The following KCNB2 variants were observed in gnomAD, a reference collection of about 807,000 sequenced individuals.
KCNB2 encodes the protein potassium voltage-gated channel subfamily B member 2, also known as delayed rectifier potassium channel protein.
A neutral mutation model predicts 61.5 loss-of-function variants in KCNB2; 15 were observed. The observed-to-expected ratio is 0.24, with a 90% CI of 0.16 to 0.38. KCNB2 has a LOEUF of 0.38. Among genes scored for constraint, KCNB2 ranks in the 10% least tolerant of loss-of-function variants. KCNB2 has a pLI of 1.00. For synonymous variants in KCNB2, 457 were observed against 446.0 expected, an observed-to-expected ratio of 1.02 and a Z score of -0.31; for missense variants, 828 against 1,125.2, an observed-to-expected ratio of 0.74 and a Z score of 3.78.
intron 2 of KCNB2, among the ~76,000 whole-genome samples, chr8:72,900,652 C>T (rs1806072934): frequency 6.6e-6 from 1 of 151,890 alleles, no homozygotes; most frequent in Non-Finnish European, 1.5e-5. Context: ...AATCAATAAG[C>T]AAAAAACAAA....
At chr8:72,860,905 G>A (rs527302789) in intron 2 of KCNB2, among the ~76,000 whole-genome samples, 54 of 152,286 alleles carry the variant, frequency 3.5e-4, no homozygotes, top group Non-Finnish European at 6.6e-4. Flanking sequence ...TTTAATGTGT[G>A]TGTATACTGT....
At chr8:72,776,031 G>T (rs1241986789) in intron 2 of KCNB2, among the ~76,000 whole-genome samples, 3 of 152,124 alleles carry the variant, frequency 2.0e-5, no homozygotes, top group Non-Finnish European at 2.9e-5. Flanking sequence ...ACTGGATTAA[G>T]AAAATGTGGC....
chr8:72,673,686 C>T (rs1359035355), intron 2 of KCNB2, among the ~76,000 whole-genome samples: 1 of 152,164 alleles, frequency 6.6e-6, no homozygotes, highest in Non-Finnish European at 1.5e-5. Flanking sequence ...GGTAAAATAG[C>T]AGCACAAAAG....
chr8:72,615,092 G>T (rs1805597471), intron 2 of KCNB2, among the ~76,000 whole-genome samples: 1 of 152,196 alleles, frequency 6.6e-6, no homozygotes, highest in African/African-American at 2.4e-5. Flanking sequence ...GCAGTGGGTA[G>T]GGAAAAGAAG....
intron 2 of KCNB2, among the ~76,000 whole-genome samples, chr8:72,779,642 T>C (rs889170731): frequency 3.3e-5 from 5 of 152,212 alleles, no homozygotes; most frequent in Admixed American, 2.6e-4. Context: ...GTTTTATGGC[T>C]CTGAAAATCT....
chr8:72,806,316 C>T (rs1444456066), intron 2 of KCNB2, among the ~76,000 whole-genome samples: 1 of 149,716 alleles, frequency 6.7e-6, no homozygotes, highest in East Asian at 2.0e-4. Context: ...TGAGATCATG[C>T]CACTGCACTC....
At chr8:72,775,578 T>A (rs1808635665) in intron 2 of KCNB2, among the ~76,000 whole-genome samples, 1 of 152,268 alleles carries the variant, frequency 6.6e-6, no homozygotes, top group Admixed American at 6.5e-5. Context: ...ATGCGTGACT[T>A]GACTTCGTGA....
At chr8:72,607,073 G>T (rs1805462367) in intron 2 of KCNB2, among the ~76,000 whole-genome samples, 1 of 152,150 alleles carries the variant, frequency 6.6e-6, no homozygotes, top group South Asian at 2.1e-4. Context: ...GATGTAGAGA[G>T]GAAAGGTGAA....
intron 2 of KCNB2, among the ~76,000 whole-genome samples, chr8:72,932,584 G>A (rs187166525): frequency 3.4e-4 from 51 of 152,006 alleles, no homozygotes; most frequent in Admixed American, 3.2e-3. Flanking sequence ...CAGCTTCAAG[G>A]CCCAGGAAAG....
At chr8:72,892,778 G>A (rs913611434) in intron 2 of KCNB2, among the ~76,000 whole-genome samples, 5 of 151,914 alleles carry the variant, frequency 3.3e-5, no homozygotes, top group East Asian at 1.9e-4. Flanking sequence ...AATCCTCTAT[G>A]AAAACTGTTA....
chr8:72,758,894 T>G (rs1210719053), intron 2 of KCNB2, among the ~76,000 whole-genome samples: 1 of 152,204 alleles, frequency 6.6e-6, no homozygotes, highest in Non-Finnish European at 1.5e-5. Context: ...GGTTTGACAT[T>G]TACTTAAAAT....
chr8:72,632,980 G>C (rs948289277), intron 2 of KCNB2, among the ~76,000 whole-genome samples: 9 of 152,158 alleles, frequency 5.9e-5, no homozygotes, highest in Non-Finnish European at 1.0e-4. Flanking sequence ...TTAGCAGCTT[G>C]AAACACCACA....
At chr8:72,556,479 G>T (rs928869467) in intron 1 of KCNB2, among the ~76,000 whole-genome samples, 1 of 152,062 alleles carries the variant, frequency 6.6e-6, no homozygotes, top group Admixed American at 6.6e-5. Context: ...TGATAAGGAT[G>T]GATGGAAAAC....
At chr8:72,582,311 A>G (rs1391112671) in intron 2 of KCNB2, among the ~76,000 whole-genome samples, 1 of 152,202 alleles carries the variant, frequency 6.6e-6, no homozygotes, top group Non-Finnish European at 1.5e-5. Context: ...AAGGAACTAA[A>G]GCATTGGAAG....
At chr8:72,550,193 C>T (rs1040138431) in intron 1 of KCNB2, among the ~76,000 whole-genome samples, 2 of 152,234 alleles carry the variant, frequency 1.3e-5, no homozygotes, top group Non-Finnish European at 2.9e-5. Flanking sequence ...CCCAAGGGCA[C>T]TTGCCAGTAA....
intron 2 of KCNB2, among the ~76,000 whole-genome samples, chr8:72,658,473 A>T (rs1806327585): frequency 6.6e-6 from 1 of 152,214 alleles, no homozygotes; most frequent in Non-Finnish European, 1.5e-5. Flanking sequence ...GTATCATCAA[A>T]GTGCAAGGTG....
chr8:72,631,024 C>T (rs2128984953), intron 2 of KCNB2, among the ~76,000 whole-genome samples: 1 of 152,054 alleles, frequency 6.6e-6, no homozygotes, highest in East Asian at 1.9e-4. Flanking sequence ...TACATACATA[C>T]CTATGATAAA....
chr8:72,635,951 T>A (rs543177914), intron 2 of KCNB2, among the ~76,000 whole-genome samples: 1 of 152,186 alleles, frequency 6.6e-6, no homozygotes, highest in Non-Finnish European at 1.5e-5. Context: ...GTGCCTCAGT[T>A]TCCTCATCGA....
At chr8:72,795,469 A>G (rs2128999034) in intron 2 of KCNB2, among the ~76,000 whole-genome samples, 1 of 152,338 alleles carries the variant, frequency 6.6e-6, no homozygotes, top group Non-Finnish European at 1.5e-5. Context: ...ATGGAATGGT[A>G]AGCTATTTTT....
Sources: allele counts gnomAD v4.1 joint callset (sites outside exome capture counted in the v4.1 genomes callset), GRCh38; gene constraint gnomAD v4.1.1; transcripts MANE v1.5; gene names NCBI Gene and HGNC (gene_info 2026-07-23, HGNC 2026-07-21).